The following PPP2R2C variants were observed in gnomAD, a reference collection of about 807,000 sequenced individuals.
The protein encoded by PPP2R2C is protein phosphatase 2, regulatory subunit B, gamma.
PPP2R2C carries 10 observed loss-of-function variants against 45.3 expected under a neutral mutation model. The ratio of observed to expected loss-of-function variants is 0.22; its 90% confidence interval spans 0.14 to 0.37. PPP2R2C has a LOEUF of 0.37. Among genes scored for constraint, PPP2R2C ranks in the 10% least tolerant of loss-of-function variants. The probability of loss-of-function intolerance (pLI) is 1.00; values close to 1 mark genes in which losing one functional copy is unlikely to be tolerated. For missense variants in PPP2R2C, 308 were observed against 619.7 expected, an observed-to-expected ratio of 0.50 and a Z score of 5.34; for synonymous variants, 257 against 245.4, an observed-to-expected ratio of 1.05 and a Z score of -0.44.
At chr4:6,403,404 A>G (rs1717567375) in intron 1 of PPP2R2C, among the ~76,000 whole-genome samples, 1 of 152,156 alleles carries the variant, frequency 6.6e-6, no homozygotes, top group African/African-American at 2.4e-5. Flanking sequence ...ATTAGAAAAA[A>G]AGAAAAAGAA....
intron 1 of PPP2R2C, among the ~76,000 whole-genome samples, chr4:6,545,542 C>T (rs753999086): frequency 3.9e-5 from 6 of 152,168 alleles, no homozygotes; most frequent in Non-Finnish European, 8.8e-5. Flanking sequence ...GAACCAGACA[C>T]CAAGGAAGAG....
intron 2 of PPP2R2C, among the ~76,000 whole-genome samples, chr4:6,518,922 TAAAAAAAAAAAAA>T (rs56002128): frequency 1.1e-3 from 98 of 92,920 alleles, no homozygotes; most frequent in African/African-American, 4.5e-3. Context: ...GACTCTGTCT[TAAAAAAAAAAAAA>T]AAAAAAAAAA....
At chr4:6,536,593 G>T (rs184165621) in intron 1 of PPP2R2C, among the ~76,000 whole-genome samples, 4 of 152,310 alleles carry the variant, frequency 2.6e-5, no homozygotes, top group Non-Finnish European at 5.9e-5. Context: ...CCCATACCCC[G>T]CAGGAGTGTT....
upstream of PPP2R2C, among the ~76,000 whole-genome samples, chr4:6,474,088 G>A (rs1722048260): frequency 6.6e-6 from 1 of 152,158 alleles, no homozygotes; most frequent in Admixed American, 6.5e-5. Flanking sequence ...GGAAGGATGT[G>A]CTTGTTCTTT....
At chr4:6,525,323 T>G (rs1372027627) in intron 2 of PPP2R2C, among the ~76,000 whole-genome samples, 2 of 152,126 alleles carry the variant, frequency 1.3e-5, no homozygotes, top group Non-Finnish European at 2.9e-5. Flanking sequence ...GAGAATCTCT[T>G]GAACCCAGGA....
intron 1 of PPP2R2C, among the ~76,000 whole-genome samples, chr4:6,439,531 A>C (rs2109424378): frequency 6.6e-6 from 1 of 152,266 alleles, no homozygotes; most frequent in East Asian, 1.9e-4. Flanking sequence ...GGGAGACATG[A>C]TCTGGGCTGA....
rs67479868 is a variant in PPP2R2C at position 6,342,131 on chromosome 4, CAT to C, written c.790+5713_790+5714del. Among the ~76,000 whole-genome samples the C allele has an allele frequency of 2.1e-5, 3 of 145,446 alleles. No homozygotes were observed. In the East Asian group the frequency reaches 6.1e-4, roughly 30 times the overall value. Reference sequence around the variant, plus strand: ...ACACACACACACACACACACACATACATATATATACATACATATATATATAAG... The same window carrying C: ...ACACACACACACACACACACACATACATATATACATACATATATATATAAG... On this transcript the variant is annotated intron_variant, in intron 6 of 8. Transcript: ENST00000382599.
chr4:6,526,505 T>C (rs1724213928), intron 2 of PPP2R2C, among the ~76,000 whole-genome samples: 1 of 152,240 alleles, frequency 6.6e-6, no homozygotes, highest in Non-Finnish European at 1.5e-5. Flanking sequence ...ATATACTAAA[T>C]GCTACTGAAC....
At chr4:6,527,219 C>A (rs561074552) in intron 2 of PPP2R2C, among the ~76,000 whole-genome samples, 1 of 152,356 alleles carries the variant, frequency 6.6e-6, no homozygotes, top group Admixed American at 6.5e-5. Context: ...TACCAACTCG[C>A]TGAGCGACCT....
upstream of PPP2R2C, among the ~76,000 whole-genome samples, chr4:6,475,624 G>T (rs1441660314): frequency 6.6e-6 from 1 of 152,126 alleles, no homozygotes; most frequent in Non-Finnish European, 1.5e-5. Context: ...AGTTCTCGTG[G>T]TCTCACCCTG....
At chr4:6,449,065 T>A (rs193068622) in intron 1 of PPP2R2C, among the ~76,000 whole-genome samples, 2 of 152,130 alleles carry the variant, frequency 1.3e-5, no homozygotes, top group Non-Finnish European at 2.9e-5. Flanking sequence ...CCAGAACCTG[T>A]CAGAAGGAAG....
intron 1 of PPP2R2C, among the ~76,000 whole-genome samples, chr4:6,418,319 A>C (rs2109386804): frequency 6.6e-6 from 1 of 152,138 alleles, no homozygotes; most frequent in South Asian, 2.1e-4. Flanking sequence ...GGATGGCCCT[A>C]ACAGGCAGGA....
At chr4:6,448,707 T>C (rs954461760) in intron 1 of PPP2R2C, among the ~76,000 whole-genome samples, 3 of 152,092 alleles carry the variant, frequency 2.0e-5, no homozygotes, top group Non-Finnish European at 4.4e-5. Context: ...CCCAGGGACA[T>C]TCCCCGGGCC....
chr4:6,535,506 G>A (rs764325721), intron 1 of PPP2R2C: 1 of 627,372 alleles, frequency 1.6e-6, no homozygotes, highest in Non-Finnish European at 2.7e-6. Context: ...CACAGCTCCA[G>A]CCAGCCCTGG....
rs796663318 is a variant in PPP2R2C at position 6,413,922 on chromosome 4, C to G, written c.71-32828G>C. On this transcript the variant is annotated intron_variant, in intron 1 of 8. Transcript: ENST00000382599. ...GCTCACCCGTGTCTCTCTTTCCCAT[C>G]AGCGTCTTCGTTATACTCAATCAGA... 9 of 1,536,138 alleles carry G rather than the reference C, an allele frequency of 5.9e-6. No homozygotes were observed. The African/African-American group carries it at 1.2e-4, about 21-fold the overall frequency.
chr4:6,472,277 A>T lies in PPP2R2C; in HGVS notation c.-48T>A. ...GGGCATGCCCCGCCGCCACACACCG[A>T]TGCAATCCGCAGAGGTCGCGCCGGG... On this transcript the variant is annotated 5_prime_UTR_variant, in exon 1 of 9. Coordinates refer to ENST00000382599, the MANE Select transcript of PPP2R2C (RefSeq NM_020416.4). The T allele has an allele frequency of 6.2e-7, 1 of 1,609,568 alleles. No individual in the cohort carries two copies. Among genetic ancestry groups the T allele is most frequent in the Non-Finnish European group, 8.5e-7 (1 of 1,177,856 alleles).
At chr4:6,470,638 G>T (rs889483469) in intron 1 of PPP2R2C, among the ~76,000 whole-genome samples, 2 of 152,154 alleles carry the variant, frequency 1.3e-5, no homozygotes, top group Non-Finnish European at 2.9e-5. Context: ...CAACCCGGCG[G>T]CTTCCTCCAA....
intron 1 of PPP2R2C, chr4:6,414,075 T>G: frequency 3.2e-6 from 3 of 928,436 alleles, no homozygotes; most frequent in Non-Finnish European, 2.7e-6. Context: ...TTTGCCTGTG[T>G]ATGTGTGTGT....
At chr4:6,425,002 T>C (rs1719205059) in intron 1 of PPP2R2C, among the ~76,000 whole-genome samples, 1 of 152,216 alleles carries the variant, frequency 6.6e-6, no homozygotes, top group African/African-American at 2.4e-5. Flanking sequence ...TTTAGGGCCA[T>C]CATGAAGAAT....
Sources: gnomAD v4.1 joint callset for allele counts (sites outside exome capture counted in the v4.1 genomes callset) on GRCh38, gnomAD v4.1.1 for gene constraint, MANE v1.5 for transcripts, NCBI Gene and HGNC (gene_info 2026-07-23, HGNC 2026-07-21) for gene names.